Variants in DNAH9 observed in about 807,000 individuals in gnomAD.
DNAH9 encodes the protein DNAH9 variant protein.
In DNAH9, 345 loss-of-function variants were observed where a neutral mutation model predicts 471.6. The ratio of observed to expected loss-of-function variants is 0.73; its 90% CI spans 0.67 to 0.80. DNAH9 has a LOEUF of 0.80. Among genes scored for constraint, DNAH9 ranks in the 30% least tolerant of loss-of-function variants. DNAH9 has a pLI of 0.00. For missense variants in DNAH9, 5,407 were observed against 5,609.2 expected (o/e 0.96, Z 1.15); for synonymous variants, 2,093 against 2,123.6 (o/e 0.99, Z 0.40).
intron 61 of DNAH9, among the ~76,000 whole-genome samples, chr17:11,919,515 A>AAG (rs1974067353): frequency 6.6e-6 from 1 of 151,732 alleles, no homozygotes; most frequent in African/African-American, 2.4e-5. Context: ...GAAAAAAAAA[A>AAG]AAAAAAGAGG....
chr17:11,686,548 G>A (rs556820023), intron 19 of DNAH9, among the ~76,000 whole-genome samples: 1 of 152,248 alleles, frequency 6.6e-6, no homozygotes, highest in East Asian at 1.9e-4. Context: ...GAAATCATAA[G>A]AAGGCTACAC....
intron 67 of DNAH9, among the ~76,000 whole-genome samples, chr17:11,961,166 T>A (rs1320284806): frequency 1.3e-5 from 2 of 151,788 alleles, no homozygotes; most frequent in Non-Finnish European, 2.9e-5. Context: ...AATACAAAAA[T>A]TAGCCGGGTG....
rs1972890605 is a variant in DNAH9, at chr17:11,886,771, C to T, written c.10972-54C>T. On this transcript the variant is annotated intron_variant, in intron 56 of 68. Transcript: ENST00000262442. ...CTCACACAGAGGGGCCAAGTTGATT[C>T]TCAGGAAGCCCAGGTTGGTTGGAAC... is the stretch of plus-strand genomic sequence containing the variant. 1.9e-6 allele frequency: 3 copies of T among 1,552,530 alleles called. No individual in the cohort carries two copies. In the South Asian group the frequency reaches 3.8e-5, roughly 19 times the overall value.
chr17:11,927,315 G>A (rs1349335823), intron 62 of DNAH9, among the ~76,000 whole-genome samples: 1 of 152,096 alleles, frequency 6.6e-6, no homozygotes, highest in African/African-American at 2.4e-5. Context: ...TAGCATTTTT[G>A]TCATAAAATC....
chr17:11,780,908 C>A, intron 38 of DNAH9, 101 bp from the exon 39 acceptor site: 3 of 1,284,674 alleles, frequency 2.3e-6, no homozygotes, highest in Non-Finnish European at 3.2e-6. Flanking sequence ...TTTTTGCACA[C>A]ATGAAGGCAG....
Position 11,611,737 on chromosome 17 carries a change from C to T in DNAH9, c.861C>T (p.Ser287=). 1.2e-6 allele frequency: 2 copies of T among 1,614,096 alleles called. No homozygotes were observed. The highest frequency in any genetic ancestry group is 1.1e-5 in the South Asian group (1 of 91,084). ...AGCTCCTGGACAAGCTTCAGAGTAG[C>T]TACTTTCCAGCTTTCAAAGCCATGT... The part of the protein sequence containing the change: ...MAKLLDKLQS[S]YFPAFKAMYR... The change falls in exon 4 of 69, where the codon AGC becomes AGT. Residue 287 remains serine, a synonymous_variant. Coordinates refer to ENST00000262442, the MANE Select transcript of DNAH9 (RefSeq NM_001372.4).
At position 11,644,673 on chromosome 17, in the gene DNAH9, T is replaced by G. The variant is rs771780422; in HGVS notation, c.1944T>G (p.Tyr648Ter). The G allele has an allele frequency of 3.1e-6, 5 of 1,613,076 alleles. No individual in the cohort carries two copies. Among genetic ancestry groups the G allele is most frequent in the Non-Finnish European group, 4.2e-6 (5 of 1,179,522 alleles). Residue 648 changes from tyrosine (Y) to a stop codon, truncating the protein, a stop_gained, in exon 11 of 69, where the codon TAT becomes TAG. Coordinates refer to ENST00000262442, the MANE Select transcript of DNAH9 (RefSeq NM_001372.4). LOFTEE classifies it high-confidence loss of function. ...AAGGAAAGCGAATGCAACAAAAATA[T>G]GAAGATATGCTGTCATTGCTAGAAA... ...SAEGKRMQQK[Y>*]EDMLSLLEKY...
chr17:11,764,282 C>T (rs766042712), intron 36 of DNAH9, among the ~76,000 whole-genome samples: 12 of 152,008 alleles, frequency 7.9e-5, no homozygotes, highest in Non-Finnish European at 1.6e-4. Flanking sequence ...TATTTTTCTC[C>T]AAATAAAAGA....
intron 49 of DNAH9, among the ~76,000 whole-genome samples, chr17:11,843,863 G>GTA (rs61067153): frequency 1.7e-3 from 81 of 46,470 alleles, no homozygotes; most frequent in African/African-American, 5.8e-3. Flanking sequence ...GTGTGTGTGT[G>GTA]TATATATATA....
intron 26 of DNAH9, among the ~76,000 whole-genome samples, chr17:11,708,004 C>CAGAGAGAG (rs2074747340): frequency 2.0e-5 from 1 of 49,006 alleles, no homozygotes; most frequent in East Asian, 7.5e-4. Context: ...CACACACACA[C>CAGAGAGAG]ACACACACAC....
At position 11,669,759 on chromosome 17, in the gene DNAH9, GT is replaced by G. The variant is rs1403310634; in HGVS notation, c.3320del (p.Phe1107SerfsTer20). ...ATATTATTAAGAGGTGGAGCCTCCT[GT>G]TCAAACAGCATCTTGTGGACCACGT... ...LNIIKRWSLL[F>X]KQHLVDHVTH... is the part of the protein sequence containing the mutation. On this transcript the variant is annotated frameshift_variant, in exon 17 of 69. Transcript: ENST00000262442. LOFTEE classifies it high-confidence loss of function. 1.2e-6 allele frequency: 2 copies of G among 1,614,148 alleles called. No individual in the cohort carries two copies. The highest frequency in any genetic ancestry group is 8.5e-7 in the Non-Finnish European group (1 of 1,180,028).
chr17:11,742,109 C>T (rs2075441362), intron 29 of DNAH9, 66 bp from the exon 30 acceptor site: 4 of 1,472,904 alleles, frequency 2.7e-6, no homozygotes, highest in South Asian at 2.5e-5. Context: ...TGCTTATTTT[C>T]TTGCAGTCTC....
chr17:11,855,986 G>A (rs1176911633), intron 50 of DNAH9, among the ~76,000 whole-genome samples: 2 of 152,142 alleles, frequency 1.3e-5, no homozygotes, highest in African/African-American at 4.8e-5. Flanking sequence ...TATAAAGCAT[G>A]AGACTAGAGC....
intron 35 of DNAH9, among the ~76,000 whole-genome samples, chr17:11,758,866 A>G (rs892084907): frequency 6.6e-6 from 1 of 152,150 alleles, no homozygotes; most frequent in Non-Finnish European, 1.5e-5. Context: ...GTCAATAATT[A>G]TTATTCCAAC....
At chr17:11,643,601 A>T (rs2073320434) in intron 10 of DNAH9, among the ~76,000 whole-genome samples, 1 of 152,176 alleles carries the variant, frequency 6.6e-6, no homozygotes, top group Non-Finnish European at 1.5e-5. Context: ...ACACAAACCT[A>T]TGTCTGTGGT....
intron 27 of DNAH9, among the ~76,000 whole-genome samples, chr17:11,721,256 GT>G (rs982170358): frequency 3.3e-5 from 5 of 151,470 alleles, no homozygotes; most frequent in East Asian, 3.9e-4. Flanking sequence ...GTCTATCTTT[GT>G]TTTTTTTGTT....
chr17:11,600,652 A>G (rs1198465512), intron 1 of DNAH9, among the ~76,000 whole-genome samples: 1 of 152,122 alleles, frequency 6.6e-6, no homozygotes, highest in Non-Finnish European at 1.5e-5. Context: ...CTGATATGGA[A>G]TATTCCTTTT....
intron 68 of DNAH9, among the ~76,000 whole-genome samples, chr17:11,966,649 A>G (rs1462283427): frequency 6.6e-6 from 1 of 152,262 alleles, no homozygotes; most frequent in African/African-American, 2.4e-5. Context: ...GGAAATAATT[A>G]TAAATCTGTG....
chr17:11,678,766 C>G (rs1301999744), intron 17 of DNAH9, among the ~76,000 whole-genome samples: 1 of 152,066 alleles, frequency 6.6e-6, no homozygotes, highest in Non-Finnish European at 1.5e-5. Context: ...CTTGATCTTA[C>G]ATTGCGTGTC....
Sources: gnomAD v4.1 joint callset for allele counts (sites outside exome capture counted in the v4.1 genomes callset) on GRCh38, gnomAD v4.1.1 for gene constraint, MANE v1.5 for transcripts, NCBI Gene and HGNC (gene_info 2026-07-23, HGNC 2026-07-21) for gene names.